The following PALM2AKAP2 variants were observed in gnomAD, a reference collection of about 807,000 sequenced individuals.
PALM2AKAP2 encodes the protein PALM2 and AKAP2 fusion.
In PALM2AKAP2, 37 loss-of-function variants were observed where a neutral mutation model predicts 71.5. The ratio of observed to expected loss-of-function variants is 0.52; its 90% CI spans 0.40 to 0.68. The LOEUF is 0.68. Ranked by LOEUF, PALM2AKAP2 falls within the 30% of genes least tolerant of loss-of-function variation. PALM2AKAP2 has a pLI of 0.00. For missense variants in PALM2AKAP2, 1,224 were observed against 1,191.8 expected (o/e 1.03, Z -0.40); for synonymous variants, 468 against 478.8 (o/e 0.98, Z 0.29).
At chr9:109,859,365 A>C (rs1228196662) in intron 1 of PALM2AKAP2, among the ~76,000 whole-genome samples, 1 of 152,232 alleles carries the variant, frequency 6.6e-6, no homozygotes, top group Non-Finnish European at 1.5e-5. Context: ...TGGATAGCAC[A>C]GTAAGGTGAC....
chr9:110,026,606 A>G (rs1399189586), intron 7 of PALM2AKAP2, among the ~76,000 whole-genome samples: 2 of 151,846 alleles, frequency 1.3e-5, no homozygotes, highest in African/African-American at 2.4e-5. Context: ...CTTCAACCAA[A>G]ACTCTCTACC....
intron 6 of PALM2AKAP2, among the ~76,000 whole-genome samples, chr9:110,001,180 A>T (rs1027683759): frequency 2.6e-5 from 4 of 152,038 alleles, no homozygotes; most frequent in African/African-American, 9.7e-5. Flanking sequence ...CATCTTGAAT[A>T]AATTTTTGTA....
chr9:109,912,178 C>G (rs549296468), intron 3 of PALM2AKAP2, among the ~76,000 whole-genome samples: 32 of 151,922 alleles, frequency 2.1e-4, no homozygotes, highest in Non-Finnish European at 4.3e-4. Flanking sequence ...AACTTCCAGC[C>G]GAAGAAGTTT....
chr9:110,058,845 A>G (rs1207257490), intron 1 of PALM2AKAP2, among the ~76,000 whole-genome samples: 1 of 151,150 alleles, frequency 6.6e-6, no homozygotes, highest in East Asian at 1.9e-4. Context: ...ACCTGTATCA[A>G]TACTGGGAAG....
intron 6 of PALM2AKAP2, among the ~76,000 whole-genome samples, chr9:109,991,771 C>T (rs1369282378): frequency 6.6e-6 from 1 of 152,150 alleles, no homozygotes; most frequent in East Asian, 1.9e-4. Flanking sequence ...TTAAATGACA[C>T]CAGGATGGTG....
At chr9:109,644,823 G>T (rs997308058) in intron 1 of PALM2AKAP2, among the ~76,000 whole-genome samples, 2 of 152,158 alleles carry the variant, frequency 1.3e-5, no homozygotes, top group Non-Finnish European at 2.9e-5. Context: ...AGTCACCTTT[G>T]CTCCAGTTCC....
chr9:109,709,919 C>G (rs924741018), intron 1 of PALM2AKAP2, among the ~76,000 whole-genome samples: 4 of 152,164 alleles, frequency 2.6e-5, no homozygotes, highest in Admixed American at 6.5e-5. Flanking sequence ...GAAAAAGGAT[C>G]TTTGCAGATG....
chr9:110,070,975 A>G (rs1834192045), intron 1 of PALM2AKAP2, among the ~76,000 whole-genome samples: 5 of 151,970 alleles, frequency 3.3e-5, no homozygotes, highest in Admixed American at 3.3e-4. Context: ...CAGCCTGGCC[A>G]ACGTGGTGAA....
At chr9:110,137,551 G>C (rs761985704) in exon 2 of PALM2AKAP2, 1 of 1,614,150 alleles carries the variant, frequency 6.2e-7, no homozygotes, top group East Asian at 2.2e-5. Context: ...GAGAATTTAC[G>C]AGCGCCCGGG....
chr9:110,126,161 C>T (rs1044227545), intron 1 of PALM2AKAP2, among the ~76,000 whole-genome samples: 14 of 151,990 alleles, frequency 9.2e-5, no homozygotes, highest in Non-Finnish European at 1.9e-4. Context: ...AGACCCTCGC[C>T]AGCTTTGTTC....
intron 6 of PALM2AKAP2, among the ~76,000 whole-genome samples, chr9:109,984,608 G>A (rs1370456865): frequency 6.6e-6 from 1 of 152,098 alleles, no homozygotes; most frequent in Non-Finnish European, 1.5e-5. Flanking sequence ...TGTAATCCCA[G>A]CACTTTGGGA....
At chr9:109,809,506 T>C (rs560343697) in intron 1 of PALM2AKAP2, among the ~76,000 whole-genome samples, 2 of 152,332 alleles carry the variant, frequency 1.3e-5, no homozygotes, top group South Asian at 2.1e-4. Context: ...TGTACCCCCA[T>C]TGTATCTAGG....
intron 1 of PALM2AKAP2, among the ~76,000 whole-genome samples, chr9:109,657,115 G>A (rs1587856290): frequency 6.6e-6 from 1 of 152,132 alleles, no homozygotes; most frequent in Non-Finnish European, 1.5e-5. Flanking sequence ...TCATATTAAA[G>A]GTCAGAGATG....
chr9:110,037,609 T>A (rs1480189788), intron 7 of PALM2AKAP2, among the ~76,000 whole-genome samples: 1 of 152,138 alleles, frequency 6.6e-6, no homozygotes, highest in Non-Finnish European at 1.5e-5. Context: ...TACACTTCAG[T>A]AGGGTGAGAT....
chr9:109,726,828 A>G (rs1385279087), intron 1 of PALM2AKAP2, among the ~76,000 whole-genome samples: 1 of 152,236 alleles, frequency 6.6e-6, no homozygotes, highest in African/African-American at 2.4e-5. Flanking sequence ...AAAAGTAAAT[A>G]AAATTTAAAT....
chr9:109,842,136 C>A (rs192841125), intron 1 of PALM2AKAP2, among the ~76,000 whole-genome samples: 514 of 152,204 alleles, frequency 3.4e-3, no homozygotes, highest in Non-Finnish European at 5.7e-3. Flanking sequence ...AGGCCTTTAT[C>A]CACTTCCCTA....
chr9:109,729,775 C>T (rs1467596248), intron 1 of PALM2AKAP2, among the ~76,000 whole-genome samples: 2 of 152,162 alleles, frequency 1.3e-5, no homozygotes, highest in African/African-American at 4.8e-5. Flanking sequence ...AATTTCTGTG[C>T]AAGTAGGCTG....
chr9:109,884,491 A>C (rs1225311102), intron 3 of PALM2AKAP2, among the ~76,000 whole-genome samples: 1 of 152,160 alleles, frequency 6.6e-6, no homozygotes, highest in Admixed American at 6.5e-5. Context: ...AAGAGGACTA[A>C]CTAAAACAAT....
At chr9:110,107,528 A>C (rs1222955469) in intron 1 of PALM2AKAP2, among the ~76,000 whole-genome samples, 1 of 152,248 alleles carries the variant, frequency 6.6e-6, no homozygotes, top group Admixed American at 6.5e-5. Flanking sequence ...ATATGATTAC[A>C]TTGCTAATTT....
Sources: gnomAD v4.1 joint callset for allele counts (sites outside exome capture counted in the v4.1 genomes callset) on GRCh38, gnomAD v4.1.1 for gene constraint, MANE v1.5 for transcripts, NCBI Gene and HGNC (gene_info 2026-07-23, HGNC 2026-07-21) for gene names.